Variants in ABCC4 observed in about 807,000 individuals in gnomAD.
ABCC4 encodes the protein ATP binding cassette subfamily C member 4 (PEL blood group), also known as ATP-binding cassette sub-family C member 4.
ABCC4 carries 102 observed loss-of-function variants against 168.5 expected under a neutral mutation model. That is an observed-to-expected ratio of 0.61 (90% CI 0.52 to 0.71). ABCC4 has a LOEUF of 0.71. Among genes scored for constraint, ABCC4 ranks in the 30% least tolerant of loss-of-function variants. The pLI is 0.00. For synonymous variants in ABCC4, 617 were observed against 590.7 expected (o/e 1.04, Z -0.65); for missense variants, 1,402 against 1,605.8 (o/e 0.87, Z 2.17).
chr13:95,114,666 G>A (rs771626040), intron 20 of ABCC4, among the ~76,000 whole-genome samples: 13 of 152,066 alleles, frequency 8.5e-5, no homozygotes, highest in East Asian at 3.8e-4. Context: ...GGATGCCTTC[G>A]CCCATGGGCT....
intron 6 of ABCC4, among the ~76,000 whole-genome samples, chr13:95,208,363 C>T (rs984334335): frequency 5.4e-5 from 8 of 149,202 alleles, no homozygotes; most frequent in Admixed American, 4.1e-4. Flanking sequence ...CTTCAGAGGA[C>T]CAGGAGCATT....
At chr13:95,266,827 CT>C (rs35329015) in intron 1 of ABCC4, among the ~76,000 whole-genome samples, 143 of 130,652 alleles carry the variant, frequency 1.1e-3, no homozygotes, top group African/African-American at 1.0e-3. Flanking sequence ...ACTCAAATCT[CT>C]TTTTTTTTTT....
chr13:95,217,251 CTTGA>C (rs978916140), intron 4 of ABCC4, among the ~76,000 whole-genome samples: 52 of 152,176 alleles, frequency 3.4e-4, no homozygotes, highest in Admixed American at 2.0e-3. Context: ...TTTCTTCTTT[CTTGA>C]TTATTTTAAT....
chr13:95,026,930 G>C (rs1382164197), intron 30 of ABCC4, among the ~76,000 whole-genome samples: 2 of 151,848 alleles, frequency 1.3e-5, no homozygotes, highest in African/African-American at 4.8e-5. Flanking sequence ...AAAAAAGGCT[G>C]AGTTATGTCA....
chr13:95,096,881 A>G (rs1025154501), intron 20 of ABCC4, among the ~76,000 whole-genome samples: 3 of 152,184 alleles, frequency 2.0e-5, no homozygotes, highest in Admixed American at 1.3e-4. Flanking sequence ...GAAAGGACAA[A>G]TATGTGAATA....
chr13:95,068,769 A>G, intron 25 of ABCC4, among the ~76,000 whole-genome samples: 1 of 152,192 alleles, frequency 6.6e-6, no homozygotes, highest in East Asian at 1.9e-4. Flanking sequence ...TGTACAACAG[A>G]GGTTTGTAGA....
intron 8 of ABCC4, 76 bp from the exon 9 acceptor site, chr13:95,195,013 G>T: frequency 7.9e-7 from 1 of 1,262,250 alleles, no homozygotes; most frequent in Non-Finnish European, 1.1e-6. Context: ...TGCTTCCATG[G>T]AATTTGTAAC....
intron 14 of ABCC4, among the ~76,000 whole-genome samples, chr13:95,168,060 T>A (rs1475667136): frequency 6.6e-6 from 1 of 151,890 alleles, no homozygotes; most frequent in African/African-American, 2.4e-5. Context: ...TAGAGATGGG[T>A]TTTCACCATG....
chr13:95,294,869 G>A lies in ABCC4; in HGVS notation c.74+6372C>T, dbSNP rs975033642. On this transcript the variant is annotated intron_variant, in intron 1 of 30. Coordinates refer to ENST00000645237, the MANE Select transcript of ABCC4 (RefSeq NM_005845.5). ...TTTGGGAGGCTGAGACAGGAGAATCGCTTGAACTCCGGAGGCAGAGGTTGC... is the reference window on the plus strand; with the variant it reads ...TTTGGGAGGCTGAGACAGGAGAATCACTTGAACTCCGGAGGCAGAGGTTGC... Among the ~76,000 whole-genome samples the A allele has an allele frequency of 4.6e-5, 7 of 151,950 alleles. No individual in the cohort carries two copies. In the South Asian group the frequency reaches 1.0e-3, roughly 23 times the overall value.
chr13:95,207,421 A>G (rs1438567560), intron 7 of ABCC4, among the ~76,000 whole-genome samples: 2 of 152,236 alleles, frequency 1.3e-5, no homozygotes, highest in Non-Finnish European at 2.9e-5. Flanking sequence ...TTGGTCCAAT[A>G]TAGATATGCC....
chr13:95,181,940 C>T (rs1365013570), intron 11 of ABCC4, among the ~76,000 whole-genome samples: 1 of 152,142 alleles, frequency 6.6e-6, no homozygotes, highest in African/African-American at 2.4e-5. Flanking sequence ...AGATTCACCT[C>T]ATTGTATCCC....
At chr13:95,252,964 TA>T in intron 1 of ABCC4, among the ~76,000 whole-genome samples, 1 of 152,380 alleles carries the variant, frequency 6.6e-6, no homozygotes, top group Non-Finnish European at 1.5e-5. Context: ...ACACTTATTT[TA>T]AACAGTATCT....
At chr13:95,117,024 C>G (rs1298062549) in intron 19 of ABCC4, among the ~76,000 whole-genome samples, 1 of 152,194 alleles carries the variant, frequency 6.6e-6, no homozygotes, top group African/African-American at 2.4e-5. Context: ...CCTCCCGCTG[C>G]TGGGGCTAAT....
intron 1 of ABCC4, among the ~76,000 whole-genome samples, chr13:95,293,668 C>T (rs933179959): frequency 1.3e-5 from 2 of 151,816 alleles, no homozygotes; most frequent in Admixed American, 6.6e-5. Context: ...GGTTTCATTA[C>T]GTTGGCCAGG....
chr13:95,256,358 C>G (rs1233417365), intron 1 of ABCC4, among the ~76,000 whole-genome samples: 1 of 152,226 alleles, frequency 6.6e-6, no homozygotes, highest in African/African-American at 2.4e-5. Flanking sequence ...AGATGCCATA[C>G]TATATAGTCA....
intron 3 of ABCC4, among the ~76,000 whole-genome samples, chr13:95,235,436 T>C (rs1355173055): frequency 6.6e-6 from 1 of 151,882 alleles, no homozygotes; most frequent in Non-Finnish European, 1.5e-5. Context: ...TGGCCTAAGG[T>C]GAATAAGGAA....
chr13:95,301,451 C>A lies in ABCC4; in HGVS notation c.-137G>T. Reference sequence around the variant, plus strand: ...GTCCGCTCGGCTGGAGCCTGTGAAGCAGCCGCTTCCGGGAGCCGGGCGCCG... The same window carrying A: ...GTCCGCTCGGCTGGAGCCTGTGAAGAAGCCGCTTCCGGGAGCCGGGCGCCG... On this transcript the variant is annotated 5_prime_UTR_variant, in exon 1 of 31. Transcript: ENST00000645237. 3.1e-6 allele frequency: 2 copies of A among 642,980 alleles called. No homozygotes were observed. Among genetic ancestry groups the A allele is most frequent in the Non-Finnish European group, 4.5e-6 (2 of 445,042 alleles). 39.8% of individuals were successfully genotyped at this position (642,980 alleles called of 1,614,324 possible).
At chr13:95,132,851 C>G (rs2036016918) in intron 19 of ABCC4, among the ~76,000 whole-genome samples, 1 of 151,992 alleles carries the variant, frequency 6.6e-6, no homozygotes, top group Admixed American at 6.6e-5. Context: ...CAGTTATGTC[C>G]AGCATGTAGA....
At chr13:95,023,958 G>A (rs1161081800) in intron 30 of ABCC4, among the ~76,000 whole-genome samples, 2 of 152,164 alleles carry the variant, frequency 1.3e-5, no homozygotes, top group Non-Finnish European at 2.9e-5. Flanking sequence ...TGTAATCTCA[G>A]CAGTTTGGGA....
Sources: gnomAD v4.1 joint callset for allele counts (sites outside exome capture counted in the v4.1 genomes callset) on GRCh38, gnomAD v4.1.1 for gene constraint, MANE v1.5 for transcripts, NCBI Gene and HGNC (gene_info 2026-07-23, HGNC 2026-07-21) for gene names.